Variants in SEMA3E observed in about 807,000 individuals in gnomAD.
SEMA3E encodes semaphorin 3E.
In SEMA3E, 49 loss-of-function variants were observed where a neutral mutation model predicts 93.6. The observed-to-expected ratio is 0.52, with a 90% CI of 0.42 to 0.66. SEMA3E has a LOEUF of 0.66. SEMA3E is among the 30% of genes least tolerant of loss of function. The probability of loss-of-function intolerance (pLI) is 0.00; values close to 1 mark genes in which losing one functional copy is unlikely to be tolerated. For missense variants in SEMA3E, 906 were observed against 964.8 expected (o/e 0.94, Z 0.81); for synonymous variants, 363 against 330.7 (o/e 1.10, Z -1.06).
rs1402051079 is a variant in SEMA3E at position 83,366,430 on chromosome 7, TTC to T, written c.*1154_*1155del. ...AGTTAAGTGAACTCATGAAACAATTTTCTGTCTCTTAATATAAAAGAGAGAAG... is the reference window on the plus strand; with the variant it reads ...AGTTAAGTGAACTCATGAAACAATTTTGTCTCTTAATATAAAAGAGAGAAG... On this transcript the variant is annotated 3_prime_UTR_variant, in exon 17 of 17. Coordinates refer to ENST00000643230, the MANE Select transcript of SEMA3E (RefSeq NM_012431.3). 2 of 151,898 alleles carry T rather than the reference TTC, an allele frequency of 1.3e-5. No homozygotes were observed. The highest frequency in any genetic ancestry group is 2.1e-4 in the South Asian group (1 of 4,804). The allele number at this position is 151,898 out of a possible 1,614,324, so 9.4% of individuals were successfully genotyped here.
At chr7:83,432,845 TA>T (rs1481068831) in intron 4 of SEMA3E, among the ~76,000 whole-genome samples, 1 of 152,106 alleles carries the variant, frequency 6.6e-6, no homozygotes, top group Non-Finnish European at 1.5e-5. Flanking sequence ...ATATCCAACA[TA>T]AACATTGATC....
In SEMA3E at chr7:83,392,461, T is replaced by C. The variant is rs758520418; in HGVS notation, c.1667+94A>G. On this transcript the variant is annotated intron_variant, in intron 14 of 16. Coordinates refer to ENST00000643230, the MANE Select transcript of SEMA3E (RefSeq NM_012431.3). Reference sequence around the variant, plus strand: ...CTCTGTACACAATAATTAATACAGGTATTTTCTGGAAAACTTCAAGTTAAA... The same window carrying C: ...CTCTGTACACAATAATTAATACAGGCATTTTCTGGAAAACTTCAAGTTAAA... The C allele has an allele frequency of 3.9e-4, 515 of 1,334,080 alleles. 3 individuals are homozygous for C. Among genetic ancestry groups the C allele is most frequent in the Non-Finnish European group, 5.3e-4 (505 of 948,556 alleles). 82.6% of individuals were successfully genotyped at this position (1,334,080 alleles called of 1,614,324 possible). A position where few individuals can be genotyped will look rare whatever the true frequency, so the allele number is the denominator to read the frequency against.
At chr7:83,504,623 G>A (rs1562810392) in intron 1 of SEMA3E, among the ~76,000 whole-genome samples, 3 of 152,228 alleles carry the variant, frequency 2.0e-5, no homozygotes, top group East Asian at 1.9e-4. Context: ...ACAAAAAGTT[G>A]CCTTAGTGAC....
intron 4 of SEMA3E, among the ~76,000 whole-genome samples, chr7:83,425,276 G>C (rs1327004973): frequency 2.6e-5 from 4 of 151,836 alleles, no homozygotes; most frequent in Non-Finnish European, 5.9e-5. Flanking sequence ...TAGAAACACA[G>C]CAATAAACAA....
chr7:83,490,222 A>C lies in SEMA3E; in HGVS notation c.168T>G (p.Leu56=), dbSNP rs765373324. The change falls in exon 2 of 17, where the codon CTT becomes CTG. Residue 56 remains leucine, a synonymous_variant. Transcript: ENST00000643230. ...CATCCAGCAGCATTGTATGGAGATC[A>C]AGAAATCCAAAAGGGCTATGAAATA... ...TSIFHSPFGF[L]DLHTMLLDEY... is the part of the protein sequence containing the mutation. 14 of 1,612,920 alleles carry C rather than the reference A, an allele frequency of 8.7e-6. No homozygotes were observed. The East Asian group carries it at 3.1e-4, about 36-fold the overall frequency.
At chr7:83,636,246 T>C (rs1793879916) in intron 1 of SEMA3E, among the ~76,000 whole-genome samples, 1 of 152,150 alleles carries the variant, frequency 6.6e-6, no homozygotes. Context: ...TTCAGAACTT[T>C]TGTAATGGAA....
intron 10 of SEMA3E, among the ~76,000 whole-genome samples, chr7:83,400,878 G>T (rs1292080210): frequency 6.6e-6 from 1 of 152,082 alleles, no homozygotes; most frequent in East Asian, 1.9e-4. Context: ...TCTCTTCGTT[G>T]TGTTGAAACT....
At chr7:83,571,445 C>T (rs1792284598) in intron 1 of SEMA3E, among the ~76,000 whole-genome samples, 1 of 152,268 alleles carries the variant, frequency 6.6e-6, no homozygotes, top group African/African-American at 2.4e-5. Flanking sequence ...ATATTATTCA[C>T]CACCCAAACA....
chr7:83,466,384 C>G, intron 4 of SEMA3E, 98 bp downstream of exon 4: 1 of 1,435,180 alleles, frequency 7.0e-7, no homozygotes, highest in South Asian at 1.2e-5. Context: ...ATCGCAAATG[C>G]TTTTATCTTT....
intron 1 of SEMA3E, among the ~76,000 whole-genome samples, chr7:83,579,277 A>G (rs1227989398): frequency 6.6e-6 from 1 of 152,146 alleles, no homozygotes; most frequent in Non-Finnish European, 1.5e-5. Flanking sequence ...AGTGCAATCT[A>G]TTAGTACAAT....
At chr7:83,374,031 AC>A (rs1794784988) in intron 16 of SEMA3E, among the ~76,000 whole-genome samples, 1 of 151,832 alleles carries the variant, frequency 6.6e-6, no homozygotes, top group African/African-American at 2.4e-5. Context: ...ACATGCAGAA[AC>A]CCCATCTCTA....
rs148072082 is a variant in SEMA3E at position 83,400,047 on chromosome 7, G to T, written c.1347C>A (p.Asp449Glu). Residue 449 changes from aspartate (D) to glutamate (E), a missense_variant, in exon 11 of 17, where the codon GAC (aspartate) becomes GAA (glutamate). Asp to Glu is a conservative substitution (Grantham distance 45). Coordinates refer to ENST00000643230, the MANE Select transcript of SEMA3E (RefSeq NM_012431.3). ...CTTTACCTGTCCCAATAAACAAGAC[G>T]TCATATTGGCCATCCTCAGCTTCCA... Reference protein sequence around the residue: ...DRVEAEDGQYDVLFIGTDNGI... With the variant: ...DRVEAEDGQYEVLFIGTDNGI... The T allele has an allele frequency of 1.9e-6, 3 of 1,612,272 alleles. No individual in the cohort carries two copies. Among genetic ancestry groups the T allele is most frequent in the Non-Finnish European group, 2.5e-6 (3 of 1,178,470 alleles).
rs1202385040 is a variant in SEMA3E at position 83,648,707 on chromosome 7, G to C, written c.-165C>G. 6 of 691,392 alleles carry C rather than the reference G, an allele frequency of 8.7e-6. No homozygotes were observed. Among genetic ancestry groups the C allele is most frequent in the Non-Finnish European group, 1.6e-5 (6 of 376,482 alleles). 42.8% of individuals were successfully genotyped at this position (691,392 alleles called of 1,614,324 possible). A position where few individuals can be genotyped will look rare whatever the true frequency, so the allele number is the denominator to read the frequency against. ...AGTGCCATTTGTCAGGCTGTATTTG[G>C]CTATGTAAAACCTTTCTTTCCTCGG... On this transcript the variant is annotated 5_prime_UTR_variant, in exon 1 of 17. Coordinates refer to ENST00000643230, the MANE Select transcript of SEMA3E (RefSeq NM_012431.3).
intron 1 of SEMA3E, among the ~76,000 whole-genome samples, chr7:83,549,477 GATTT>G (rs1292169983): frequency 6.6e-6 from 1 of 151,896 alleles, no homozygotes; most frequent in Admixed American, 6.6e-5. Context: ...CTTCTTTAAT[GATTT>G]ATTTTTCATT....
chr7:83,473,207 G>T (rs533505894), intron 2 of SEMA3E, among the ~76,000 whole-genome samples: 1 of 152,154 alleles, frequency 6.6e-6, no homozygotes, highest in Non-Finnish European at 1.5e-5. Flanking sequence ...GGCCTCTCAA[G>T]ATATCATTAA....
intron 1 of SEMA3E, among the ~76,000 whole-genome samples, chr7:83,587,894 T>C (rs1390721403): frequency 6.6e-6 from 1 of 152,066 alleles, no homozygotes; most frequent in Non-Finnish European, 1.5e-5. Flanking sequence ...TAAATGCTAT[T>C]CTTAAGCAGG....
chr7:83,567,795 C>A (rs1191028614), intron 1 of SEMA3E, among the ~76,000 whole-genome samples: 1 of 151,666 alleles, frequency 6.6e-6, no homozygotes, highest in East Asian at 1.9e-4. Context: ...AAGTCTACAT[C>A]AAAAAAGTAC....
rs192091999 is a variant in SEMA3E at position 83,580,591 on chromosome 7, T to G, written c.115+67837A>C. 8.3e-4 allele frequency among the ~76,000 whole-genome samples: 126 copies of G among 152,126 alleles called. 1 individual carries two copies. Among genetic ancestry groups the G allele is most frequent in the Middle Eastern group, 3.4e-3 (1 of 294 alleles). The stretch of plus-strand genomic sequence containing the variant: ...TTGTCTAGAATGCACTTTCCAACTC[T>G]CCTTCATATAGCTAATTCCAACTCA... On this transcript the variant is annotated intron_variant, in intron 1 of 16. Coordinates refer to ENST00000643230, the MANE Select transcript of SEMA3E (RefSeq NM_012431.3).
intron 1 of SEMA3E, among the ~76,000 whole-genome samples, chr7:83,540,592 T>C (rs761574786): frequency 2.0e-5 from 3 of 152,318 alleles, no homozygotes; most frequent in Admixed American, 6.5e-5. Flanking sequence ...ATATTCTACA[T>C]CTGCAACTAA....
Sources: gnomAD v4.1 joint callset for allele counts (sites outside exome capture counted in the v4.1 genomes callset) on GRCh38, gnomAD v4.1.1 for gene constraint, MANE v1.5 for transcripts, NCBI Gene and HGNC (gene_info 2026-07-23, HGNC 2026-07-21) for gene names.